The following PDE3B variants were observed in gnomAD, a reference collection of about 807,000 sequenced individuals.
PDE3B encodes cGMP-inhibited 3',5'-cyclic phosphodiesterase 3B.
A neutral mutation model predicts 116.8 loss-of-function variants in PDE3B; 66 were observed. The ratio of observed to expected loss-of-function variants is 0.56; its 90% CI spans 0.46 to 0.69. PDE3B has a LOEUF of 0.69. PDE3B is among the 30% of genes least tolerant of loss of function. The pLI is 0.00. For missense variants in PDE3B, 1,384 were observed against 1,368.1 expected, an observed-to-expected ratio of 1.01 and a Z score of -0.18; for synonymous variants, 595 against 533.6, an observed-to-expected ratio of 1.12 and a Z score of -1.59.
At chr11:14,793,936 C>T (rs998418372) in intron 4 of PDE3B, among the ~76,000 whole-genome samples, 9 of 152,190 alleles carry the variant, frequency 5.9e-5, no homozygotes, top group African/African-American at 1.7e-4. Flanking sequence ...TCCTACTCAG[C>T]TTCTTAAGAG....
chr11:14,883,738 T>A, the PDE3B span, among the ~76,000 whole-genome samples: 23 of 151,746 alleles, frequency 1.5e-4, 1 homozygote, highest in East Asian at 4.3e-3. Flanking sequence ...ACCATCAGAG[T>A]GAACAGGCAA....
chr11:14,645,431 T>A (rs1371518480), intron 1 of PDE3B, among the ~76,000 whole-genome samples: 1 of 152,188 alleles, frequency 6.6e-6, no homozygotes, highest in African/African-American at 2.4e-5. Flanking sequence ...TTGGTGCCAT[T>A]TATCTGTTTG....
At chr11:14,713,593 C>G (rs1855771222) in intron 1 of PDE3B, among the ~76,000 whole-genome samples, 1 of 152,072 alleles carries the variant, frequency 6.6e-6, no homozygotes, top group South Asian at 2.1e-4. Flanking sequence ...CAGACTTGGA[C>G]TGAAACTAAA....
At chr11:14,802,314 T>C (rs1211646501) in intron 4 of PDE3B, among the ~76,000 whole-genome samples, 1 of 152,222 alleles carries the variant, frequency 6.6e-6, no homozygotes, top group Admixed American at 6.5e-5. Context: ...GTCTGTGGAT[T>C]GCGAAGACTG....
In PDE3B at chr11:14,869,703, A is replaced by G; in HGVS notation, c.*43A>G. On this transcript the variant is annotated 3_prime_UTR_variant, in exon 16 of 16. Coordinates refer to ENST00000282096, the MANE Select transcript of PDE3B (RefSeq NM_000922.4). ...GAAAAGTCATATTGAAGAAGCCCAG[A>G]GGGTTGTGCCCAGGGGCAGAAATCA... 3 of 1,544,084 alleles carry G rather than the reference A, an allele frequency of 1.9e-6. No individual in the cohort carries two copies. Among genetic ancestry groups the G allele is most frequent in the Non-Finnish European group, 2.7e-6 (3 of 1,123,982 alleles).
At chr11:14,656,090 G>A (rs1409031186) in intron 1 of PDE3B, among the ~76,000 whole-genome samples, 4 of 152,166 alleles carry the variant, frequency 2.6e-5, no homozygotes, top group African/African-American at 9.7e-5. Context: ...GAGAGACTGA[G>A]AACAGTGGGA....
At chr11:14,677,308 ATCACTC>A (rs532057693) in intron 1 of PDE3B, among the ~76,000 whole-genome samples, 148 of 152,264 alleles carry the variant, frequency 9.7e-4, no homozygotes, top group African/African-American at 3.5e-3. Context: ...CTCAAGCCAA[ATCACTC>A]TCTGAGGATT....
At chr11:14,849,918 A>G (rs1415847446) in intron 12 of PDE3B, among the ~76,000 whole-genome samples, 2 of 151,888 alleles carry the variant, frequency 1.3e-5, no homozygotes, top group Admixed American at 6.6e-5. Context: ...ACCATTGTGG[A>G]AGTCAGTGTG....
intron 1 of PDE3B, among the ~76,000 whole-genome samples, chr11:14,668,063 C>G (rs1854236629): frequency 6.6e-6 from 1 of 151,664 alleles, no homozygotes; most frequent in South Asian, 2.1e-4. Flanking sequence ...GCATACAATC[C>G]TATTTCAGGG....
chr11:14,828,048 A>C (rs1341159202), intron 7 of PDE3B, among the ~76,000 whole-genome samples: 2 of 152,218 alleles, frequency 1.3e-5, no homozygotes, highest in Non-Finnish European at 1.5e-5. Context: ...AAAGCCAACA[A>C]AAACAAGCCC....
At chr11:14,683,141 T>A (rs1854763680) in intron 1 of PDE3B, among the ~76,000 whole-genome samples, 1 of 152,084 alleles carries the variant, frequency 6.6e-6, no homozygotes, top group South Asian at 2.1e-4. Context: ...GGTTTCTCCA[T>A]GTTGATCAGG....
chr11:14,738,313 A>G (rs1234389120), intron 1 of PDE3B, among the ~76,000 whole-genome samples: 1 of 152,210 alleles, frequency 6.6e-6, no homozygotes, highest in Non-Finnish European at 1.5e-5. Context: ...TCGCCATTCT[A>G]ACTGGCGTGA....
At chr11:14,867,471 A>G in intron 14 of PDE3B, 35 bp from the exon 15 acceptor site, 1 of 1,589,166 alleles carries the variant, frequency 6.3e-7, no homozygotes, top group East Asian at 2.2e-5. Flanking sequence ...TTCTTTCACC[A>G]GTTAAAAATG....
At chr11:14,811,490 G>T (rs1042908570) in intron 5 of PDE3B, among the ~76,000 whole-genome samples, 9 of 151,792 alleles carry the variant, frequency 5.9e-5, no homozygotes, top group East Asian at 1.9e-4. Flanking sequence ...TATGCGGCGT[G>T]ATTTCTGAGG....
At chr11:14,736,512 C>T (rs1328930975) in intron 1 of PDE3B, among the ~76,000 whole-genome samples, 2 of 152,062 alleles carry the variant, frequency 1.3e-5, no homozygotes, top group Non-Finnish European at 2.9e-5. Context: ...TTGCCATTAA[C>T]AGAAATAAAG....
chr11:14,821,972 T>A (rs1441538316), intron 7 of PDE3B, among the ~76,000 whole-genome samples: 1 of 150,464 alleles, frequency 6.6e-6, no homozygotes, highest in Non-Finnish European at 1.5e-5. Flanking sequence ...AGTGGCACAA[T>A]CATGGCTCAC....
intron 12 of PDE3B, among the ~76,000 whole-genome samples, chr11:14,845,690 A>T (rs1443027195): frequency 6.6e-6 from 1 of 152,244 alleles, no homozygotes; most frequent in Non-Finnish European, 1.5e-5. Context: ...TACGTGAAGA[A>T]TGCAGAAGCC....
chr11:14,896,878 T>C, the PDE3B span, among the ~76,000 whole-genome samples: 1 of 152,212 alleles, frequency 6.6e-6, no homozygotes, highest in Non-Finnish European at 1.5e-5. Flanking sequence ...AAATAGTAGA[T>C]TTGAAGAAGC....
Position 14,649,663 on chromosome 11 carries a change from A to G in PDE3B, c.978+4610A>G, listed in dbSNP as rs373213998. 3.9e-5 allele frequency among the ~76,000 whole-genome samples: 6 copies of G among 152,360 alleles called. No individual in the cohort carries two copies. The East Asian group carries it at 9.6e-4, about 24-fold the overall frequency. On this transcript the variant is annotated intron_variant, in intron 1 of 15. Transcript: ENST00000282096. ...GTTAAGAGGGACTCTTGAAAATCCT[A>G]TAGTTTGTAATGACCTTGATGACAA...
Sources: allele counts gnomAD v4.1 joint callset (sites outside exome capture counted in the v4.1 genomes callset), GRCh38; gene constraint gnomAD v4.1.1; transcripts MANE v1.5; gene names NCBI Gene and HGNC (gene_info 2026-07-23, HGNC 2026-07-21).